VPS35L: variants seen among roughly 807,000 people sequenced by gnomAD.
The protein encoded by VPS35L is VPS35 endosomal protein sorting factor like, also known as VPS35 endosomal protein-sorting factor-like.
In VPS35L, 83 loss-of-function variants were observed where a neutral mutation model predicts 133.0. The observed-to-expected ratio is 0.62, with a 90% CI of 0.52 to 0.75. VPS35L has a LOEUF of 0.75. VPS35L is among the 30% of genes least tolerant of loss of function. The pLI is 0.00. For missense variants in VPS35L, 1,083 were observed against 1,206.8 expected, an observed-to-expected ratio of 0.90 and a Z score of 1.52; for synonymous variants, 423 against 449.9, an observed-to-expected ratio of 0.94 and a Z score of 0.76.
chr16:19,571,835 C>T (rs1282154938), intron 3 of VPS35L, among the ~76,000 whole-genome samples: 2 of 150,704 alleles, frequency 1.3e-5, no homozygotes, highest in Non-Finnish European at 2.9e-5. Context: ...TTGAGCCATG[C>T]CGCCCAGCCA....
At chr16:19,661,859 C>T (rs1303112650) in intron 26 of VPS35L, among the ~76,000 whole-genome samples, 1 of 152,142 alleles carries the variant, frequency 6.6e-6, no homozygotes, top group African/African-American at 2.4e-5. Context: ...CCATCTCCAC[C>T]TTGTCCTACT....
At position 19,674,255 on chromosome 16, in the gene VPS35L, G is replaced by A. The variant is rs547649285; in HGVS notation, c.2361+4956G>A. On this transcript the variant is annotated intron_variant, in intron 27 of 30. Transcript: ENST00000417362. Reference sequence around the variant, plus strand: ...CCAGGCTAGATGGAATGCAGTGCGCGATCTCGGCTCACTGCAACCTCTGCC... The same window carrying A: ...CCAGGCTAGATGGAATGCAGTGCGCAATCTCGGCTCACTGCAACCTCTGCC... Among the ~76,000 whole-genome samples the A allele has an allele frequency of 5.1e-5, 7 of 138,520 alleles. No individual in the cohort carries two copies. The South Asian group carries it at 1.4e-3, about 28-fold the overall frequency. The allele number at this position is 138,520 out of a possible 152,430, so 90.9% of individuals were successfully genotyped here.
intron 26 of VPS35L, among the ~76,000 whole-genome samples, chr16:19,662,427 A>G (rs1597406665): frequency 6.6e-6 from 1 of 152,178 alleles, no homozygotes; most frequent in Admixed American, 6.6e-5. Context: ...ACTGACACGG[A>G]TATTTTGCCT....
At position 19,644,845 on chromosome 16, in the gene VPS35L, C is replaced by T. The variant is rs867354392; in HGVS notation, c.1866-41C>T. 21 of 1,419,108 alleles carry T rather than the reference C, an allele frequency of 1.5e-5. 1 individual carries two copies. In the Middle Eastern group the frequency reaches 3.5e-3, roughly 236 times the overall value. 87.9% of individuals were successfully genotyped at this position (1,419,108 alleles called of 1,614,324 possible). Reference sequence around the variant, plus strand: ...TATTTTTTTCTTTAGAAACTTTCATCTATTACCTCCGTGTTAATTATGTAC... The same window carrying T: ...TATTTTTTTCTTTAGAAACTTTCATTTATTACCTCCGTGTTAATTATGTAC... On this transcript the variant is annotated intron_variant, in intron 22 of 30. Coordinates refer to ENST00000417362, the MANE Select transcript of VPS35L (RefSeq NM_020314.7).
chr16:19,697,017 G>A (rs1003915582), intron 29 of VPS35L, among the ~76,000 whole-genome samples: 1 of 152,194 alleles, frequency 6.6e-6, no homozygotes, highest in African/African-American at 2.4e-5. Context: ...TTCCCACTTG[G>A]GGCATAACTG....
At chr16:19,596,077 A>G (rs1972206132) in intron 8 of VPS35L, among the ~76,000 whole-genome samples, 1 of 152,126 alleles carries the variant, frequency 6.6e-6, no homozygotes. Context: ...ATTAAGTCCC[A>G]TAATCTGCAT....
intron 1 of VPS35L, among the ~76,000 whole-genome samples, chr16:19,562,676 A>G (rs1259394503): frequency 2.0e-5 from 3 of 152,210 alleles, no homozygotes; most frequent in Non-Finnish European, 4.4e-5. Context: ...GATCTTCATA[A>G]TAGAGATTAA....
chr16:19,605,980 G>A (rs545189729), intron 9 of VPS35L, among the ~76,000 whole-genome samples: 21 of 152,274 alleles, frequency 1.4e-4, no homozygotes, highest in African/African-American at 4.8e-4. Context: ...ATGAAGTAAA[G>A]GAATATAATA....
chr16:19,580,463 A>G (rs1251413845), intron 6 of VPS35L, among the ~76,000 whole-genome samples: 2 of 152,090 alleles, frequency 1.3e-5, no homozygotes. Context: ...TAGGAAATAT[A>G]CATATAAACC....
chr16:19,575,021 G>T, intron 4 of VPS35L, 77 bp from the exon 5 acceptor site: 1 of 1,243,958 alleles, frequency 8.0e-7, no homozygotes. Context: ...TCTTGGGTAT[G>T]TAAATGGCTC....
At chr16:19,578,121 G>A (rs1183056131) in intron 5 of VPS35L, among the ~76,000 whole-genome samples, 2 of 152,134 alleles carry the variant, frequency 1.3e-5, no homozygotes, top group Non-Finnish European at 2.9e-5. Context: ...TAGGAACAGA[G>A]CCCTATCAAT....
chr16:19,564,370 A>G (rs1041234227), intron 1 of VPS35L, among the ~76,000 whole-genome samples: 11 of 151,862 alleles, frequency 7.2e-5, no homozygotes, highest in Non-Finnish European at 1.5e-4. Context: ...GAGCCACTGC[A>G]TCCGGCCAAA....
chr16:19,563,328 AAG>A (rs1491495105), intron 1 of VPS35L, among the ~76,000 whole-genome samples: 2 of 151,890 alleles, frequency 1.3e-5, no homozygotes, highest in African/African-American at 4.8e-5. Context: ...AAAAAAAAAA[AAG>A]AAAAGGAAAA....
At chr16:19,564,330 GC>G (rs34017902) in intron 1 of VPS35L, among the ~76,000 whole-genome samples, 17,369 of 152,098 alleles carry the variant, frequency 0.11, 1,212 homozygotes, top group Middle Eastern at 0.17. Context: ...GCCTGCCTCG[GC>G]CTCCCAAAAG....
chr16:19,557,348 T>C (rs958801345), intron 1 of VPS35L, among the ~76,000 whole-genome samples: 2 of 152,206 alleles, frequency 1.3e-5, no homozygotes, highest in Non-Finnish European at 2.9e-5. Context: ...GCTTTTAGTA[T>C]TTAGGGTCTC....
chr16:19,588,051 C>T (rs1266279401), intron 7 of VPS35L, among the ~76,000 whole-genome samples: 3 of 151,632 alleles, frequency 2.0e-5, no homozygotes, highest in South Asian at 2.1e-4. Context: ...CCACCCACCT[C>T]GGCCTCCCAA....
chr16:19,689,279 T>G (rs1334679209), intron 28 of VPS35L, among the ~76,000 whole-genome samples: 2 of 151,136 alleles, frequency 1.3e-5, no homozygotes, highest in African/African-American at 4.9e-5. Context: ...GCCTGGCGTT[T>G]TTTTTTTTTG....
At chr16:19,604,491 G>GT (rs1972483687) in intron 9 of VPS35L, among the ~76,000 whole-genome samples, 4 of 151,876 alleles carry the variant, frequency 2.6e-5, no homozygotes, top group Admixed American at 1.3e-4. Flanking sequence ...CAAATGATTT[G>GT]GTTTTTTTTT....
At chr16:19,583,396 A>G (rs1359510437) in intron 7 of VPS35L, among the ~76,000 whole-genome samples, 1 of 152,148 alleles carries the variant, frequency 6.6e-6, no homozygotes, top group Non-Finnish European at 1.5e-5. Flanking sequence ...GTGCCTTTTT[A>G]ATTGATAGAT....
Sources: gnomAD v4.1 joint callset for allele counts (sites outside exome capture counted in the v4.1 genomes callset) on GRCh38, gnomAD v4.1.1 for gene constraint, MANE v1.5 for transcripts, NCBI Gene and HGNC (gene_info 2026-07-23, HGNC 2026-07-21) for gene names.